Variants in ADAMTS18 observed in about 807,000 individuals in gnomAD.
ADAMTS18 encodes the protein A disintegrin and metalloproteinase with thrombospondin motifs 18.
In ADAMTS18, 157 loss-of-function variants were observed where a neutral mutation model predicts 165.9. The observed-to-expected ratio is 0.95, with a 90% confidence interval of 0.83 to 1.08. The LOEUF (loss-of-function observed/expected upper bound fraction) is 1.08. ADAMTS18 is among the 50% of genes least tolerant of loss of function. The pLI, the probability that ADAMTS18 is intolerant of heterozygous loss-of-function variation, is 0.00. For missense variants in ADAMTS18, 2,040 were observed against 1,534.0 expected (o/e 1.33, Z -5.51); for synonymous variants, 782 against 578.2 (o/e 1.35, Z -5.06).
In ADAMTS18 at chr16:77,370,841, G is replaced by A. The variant is rs548905167; in HGVS notation, c.496-3118C>T. ...CACACACACAAATCAATTTAACCAAGGAGGTGAAGATCTCTACAATGAAAA... is the reference window on the plus strand; with the variant it reads ...CACACACACAAATCAATTTAACCAAAGAGGTGAAGATCTCTACAATGAAAA... On this transcript the variant is annotated intron_variant, in intron 3 of 22. Transcript: ENST00000282849. 3.4e-4 allele frequency among the ~76,000 whole-genome samples: 52 copies of A among 151,172 alleles called. No homozygotes were observed. The South Asian group carries it at 0.011, about 31-fold the overall frequency.
intron 12 of ADAMTS18, among the ~76,000 whole-genome samples, chr16:77,329,683 C>T (rs2056156191): frequency 6.6e-6 from 1 of 152,016 alleles, no homozygotes; most frequent in Admixed American, 6.6e-5. Context: ...GGGATATGGT[C>T]AAAGTGATCA....
intron 3 of ADAMTS18, among the ~76,000 whole-genome samples, chr16:77,397,512 A>G (rs7197572): frequency 0.15 from 22,976 of 152,256 alleles, 2,509 homozygotes; most frequent in African/African-American, 0.3. Flanking sequence ...GTTTCTTCTT[A>G]ACTAGATAGT....
rs532218869 is a variant in ADAMTS18, at chr16:77,338,135, A to G, written c.1711-2231T>C. On this transcript the variant is annotated intron_variant, in intron 11 of 22. Coordinates refer to ENST00000282849, the MANE Select transcript of ADAMTS18 (RefSeq NM_199355.4). ...GCCAGGCTGGTCTTGAACTCCTGACATCAGGCGATCCACCCACCTTGGCCT... is the reference window on the plus strand; with the variant it reads ...GCCAGGCTGGTCTTGAACTCCTGACGTCAGGCGATCCACCCACCTTGGCCT... Among the ~76,000 whole-genome samples the G allele has an allele frequency of 6.8e-3, 1,033 of 152,020 alleles. 13 individuals are homozygous for G. Among genetic ancestry groups the G allele is most frequent in the African/African-American group, 0.023 (958 of 41,466 alleles).
At chr16:77,426,421 A>G (rs2057673929) in intron 3 of ADAMTS18, among the ~76,000 whole-genome samples, 1 of 152,196 alleles carries the variant, frequency 6.6e-6, no homozygotes, top group African/African-American at 2.4e-5. Flanking sequence ...TGTCTTTAAT[A>G]TAAGACATTT....
intron 12 of ADAMTS18, 39 bp downstream of exon 12, chr16:77,335,717 T>TA (rs1352048154): frequency 6.2e-7 from 1 of 1,613,754 alleles, no homozygotes; most frequent in African/African-American, 1.3e-5. Flanking sequence ...GGCTGAAGGT[T>TA]AAGGCCTTGC....
At chr16:77,429,233 C>A (rs1292712131) in intron 3 of ADAMTS18, among the ~76,000 whole-genome samples, 1 of 152,186 alleles carries the variant, frequency 6.6e-6, no homozygotes, top group Non-Finnish European at 1.5e-5. Context: ...GGTACATATA[C>A]ACCATGGAAT....
intron 16 of ADAMTS18, among the ~76,000 whole-genome samples, chr16:77,314,919 G>T (rs2055860236): frequency 6.7e-6 from 1 of 149,746 alleles, no homozygotes. Context: ...GGTATTGTTT[G>T]CCCATTTTAC....
intron 16 of ADAMTS18, among the ~76,000 whole-genome samples, chr16:77,313,271 A>G (rs1453421656): frequency 1.3e-5 from 2 of 152,158 alleles, no homozygotes; most frequent in African/African-American, 2.4e-5. Flanking sequence ...AGGAAGGGGA[A>G]GAACACACAC....
intron 8 of ADAMTS18, among the ~76,000 whole-genome samples, chr16:77,357,957 A>G (rs1597165506): frequency 6.6e-6 from 1 of 152,346 alleles, no homozygotes; most frequent in South Asian, 2.1e-4. Context: ...CACATATGCA[A>G]AGATAATGAA....
At chr16:77,303,666 T>C (rs1364423971) in intron 16 of ADAMTS18, among the ~76,000 whole-genome samples, 1 of 151,488 alleles carries the variant, frequency 6.6e-6, no homozygotes, top group Non-Finnish European at 1.5e-5. Context: ...GGGGGAGAAG[T>C]GATATCCCCC....
intron 3 of ADAMTS18, among the ~76,000 whole-genome samples, chr16:77,408,534 T>G (rs548044007): frequency 1.3e-5 from 2 of 152,180 alleles, no homozygotes; most frequent in Non-Finnish European, 2.9e-5. Flanking sequence ...AAACTACAGC[T>G]ACATATAACA....
chr16:77,416,362 T>A (rs1362779982), intron 3 of ADAMTS18, among the ~76,000 whole-genome samples: 1 of 152,164 alleles, frequency 6.6e-6, no homozygotes, highest in African/African-American at 2.4e-5. Flanking sequence ...TATATACTGA[T>A]ACGGTTGGGC....
chr16:77,410,292 G>GAAA (rs11376240), intron 3 of ADAMTS18, among the ~76,000 whole-genome samples: 3 of 141,272 alleles, frequency 2.1e-5, no homozygotes, highest in African/African-American at 5.3e-5. Context: ...ACCCAAATTT[G>GAAA]AAAAAAAAAA....
chr16:77,343,934 T>G (rs574987362), intron 10 of ADAMTS18, among the ~76,000 whole-genome samples: 4 of 152,050 alleles, frequency 2.6e-5, no homozygotes, highest in Non-Finnish European at 5.9e-5. Context: ...ATTTTTGTCA[T>G]TACTTGTTGT....
chr16:77,392,411 T>A (rs970173773), intron 3 of ADAMTS18, among the ~76,000 whole-genome samples: 1 of 152,204 alleles, frequency 6.6e-6, no homozygotes, highest in East Asian at 1.9e-4. Flanking sequence ...TTTAAAGTCC[T>A]GCTTATTCTG....
intron 10 of ADAMTS18, among the ~76,000 whole-genome samples, chr16:77,351,451 G>T (rs1461323940): frequency 6.6e-6 from 1 of 152,156 alleles, no homozygotes; most frequent in Non-Finnish European, 1.5e-5. Context: ...CCTGCACACT[G>T]CCTGACACAG....
intron 11 of ADAMTS18, 100 bp from the exon 12 acceptor site, chr16:77,336,004 G>A: frequency 2.1e-6 from 3 of 1,438,892 alleles, no homozygotes; most frequent in South Asian, 1.2e-5. Context: ...CAGGTCTGTT[G>A]GGAGAAAAGG....
At chr16:77,426,296 T>C (rs1333481950) in intron 3 of ADAMTS18, among the ~76,000 whole-genome samples, 1 of 152,164 alleles carries the variant, frequency 6.6e-6, no homozygotes, top group Non-Finnish European at 1.5e-5. Flanking sequence ...TGGGTACCAT[T>C]GTGTTGATGT....
chr16:77,401,486 C>T (rs911331760), intron 3 of ADAMTS18, among the ~76,000 whole-genome samples: 2 of 152,174 alleles, frequency 1.3e-5, no homozygotes, highest in African/African-American at 4.8e-5. Flanking sequence ...GCCCAAATCC[C>T]ACAGTCACCA....
Sources: allele counts gnomAD v4.1 joint callset (sites outside exome capture counted in the v4.1 genomes callset), GRCh38; gene constraint gnomAD v4.1.1; transcripts MANE v1.5; gene names NCBI Gene and HGNC (gene_info 2026-07-23, HGNC 2026-07-21).